The following TNFRSF21 variants were observed in gnomAD, a reference collection of about 807,000 sequenced individuals.
The protein encoded by TNFRSF21 is TNF receptor superfamily member 21.
Under a neutral mutation model 45.6 loss-of-function variants are expected in TNFRSF21, and 19 were observed. That is an observed-to-expected ratio of 0.42 (90% confidence interval 0.29 to 0.61). TNFRSF21 has a LOEUF of 0.61. Ranked by LOEUF, TNFRSF21 falls within the 20% of genes least tolerant of loss-of-function variation. The probability of loss-of-function intolerance (pLI) is 0.23; values close to 1 mark genes in which losing one functional copy is unlikely to be tolerated. For synonymous variants in TNFRSF21, 314 were observed against 335.5 expected, an observed-to-expected ratio of 0.94 and a Z score of 0.70; for missense variants, 737 against 851.5, an observed-to-expected ratio of 0.87 and a Z score of 1.67.
chr6:47,253,168 ATTTT>A (rs1764926754), intron 4 of TNFRSF21, 84 bp downstream of exon 4: 8 of 1,478,418 alleles, frequency 5.4e-6, no homozygotes, highest in Non-Finnish European at 7.3e-6. Context: ...CGAATATGTT[ATTTT>A]TCTTTGTTCC....
intron 1 of TNFRSF21, among the ~76,000 whole-genome samples, chr6:47,307,120 C>T (rs746876386): frequency 3.3e-5 from 5 of 152,114 alleles, no homozygotes; most frequent in Non-Finnish European, 5.9e-5. Context: ...ATAACATAGT[C>T]TCTACTGATT....
rs1449498434 is a variant in TNFRSF21, at chr6:47,232,648, CACACACACACAA to C, written c.*105_*116del. ...AAACACACACACACACACACACACA[CACACACACACAA>C]ACACACACACACACCCCAAACAACA... On this transcript the variant is annotated 3_prime_UTR_variant, in exon 6 of 6. Transcript: ENST00000296861. 47 of 818,752 alleles carry C rather than the reference CACACACACACAA, an allele frequency of 5.7e-5. No homozygotes were observed. Among genetic ancestry groups the C allele is most frequent in the South Asian group, 4.9e-4 (29 of 58,828 alleles). The allele number at this position is 818,752 out of a possible 1,614,324, so 50.7% of individuals were successfully genotyped here. A position where few individuals can be genotyped will look rare whatever the true frequency, so the allele number is the denominator to read the frequency against.
intron 4 of TNFRSF21, among the ~76,000 whole-genome samples, chr6:47,236,395 G>A (rs1457388861): frequency 6.6e-6 from 1 of 152,230 alleles, no homozygotes. Context: ...CACACTTCAA[G>A]TAAAATGTTT....
At chr6:47,239,587 A>G (rs558746923) in intron 4 of TNFRSF21, among the ~76,000 whole-genome samples, 1 of 152,324 alleles carries the variant, frequency 6.6e-6, no homozygotes, top group South Asian at 2.1e-4. Flanking sequence ...TCCAGCCTCA[A>G]CTGCCATCTG....
chr6:47,308,353 C>A (rs1395297799), intron 1 of TNFRSF21, among the ~76,000 whole-genome samples: 3 of 152,148 alleles, frequency 2.0e-5, no homozygotes, highest in African/African-American at 7.2e-5. Flanking sequence ...ACAGCCCTGT[C>A]GTGAAAACAA....
At chr6:47,267,861 T>C (rs1003921995) in intron 3 of TNFRSF21, among the ~76,000 whole-genome samples, 1 of 152,146 alleles carries the variant, frequency 6.6e-6, no homozygotes, top group South Asian at 2.1e-4. Flanking sequence ...AAGTAAAAAT[T>C]ATCAACCCCA....
At chr6:47,259,418 G>T (rs1280838944) in intron 3 of TNFRSF21, among the ~76,000 whole-genome samples, 1 of 151,344 alleles carries the variant, frequency 6.6e-6, no homozygotes, top group Non-Finnish European at 1.5e-5. Context: ...CACCCAGGCT[G>T]GACTGGAGTG....
Position 47,258,109 on chromosome 6 carries a change from C to T in TNFRSF21, c.1244-4588G>A, listed in dbSNP as rs563646269. ...AAGTAATCATGGGCTGGACGGGTGG[C>T]TTATGCCTGTAATTCTTTGGGAGGC... On this transcript the variant is annotated intron_variant, in intron 3 of 5. Coordinates refer to ENST00000296861, the MANE Select transcript of TNFRSF21 (RefSeq NM_014452.5). Among the ~76,000 whole-genome samples, 41 of 152,236 alleles carry T rather than the reference C, an allele frequency of 2.7e-4. 1 individual carries two copies. The South Asian group carries it at 6.8e-3, about 25-fold the overall frequency.
intron 3 of TNFRSF21, among the ~76,000 whole-genome samples, chr6:47,274,025 AG>A (rs1762462295): frequency 6.6e-6 from 1 of 152,250 alleles, no homozygotes; most frequent in Non-Finnish European, 1.5e-5. Context: ...GCTCATGGAT[AG>A]GAAGAATGAA....
chr6:47,258,149 C>T (rs935171002), intron 3 of TNFRSF21, among the ~76,000 whole-genome samples: 3 of 152,034 alleles, frequency 2.0e-5, no homozygotes, highest in Admixed American at 1.3e-4. Flanking sequence ...GTGAGTGGAT[C>T]CCTTGACCCA....
chr6:47,248,956 C>T (rs1438638147), intron 4 of TNFRSF21, among the ~76,000 whole-genome samples: 1 of 152,212 alleles, frequency 6.6e-6, no homozygotes, highest in African/African-American at 2.4e-5. Flanking sequence ...GACAGGCACG[C>T]ATGTTGTTCC....
At chr6:47,234,620 C>G in intron 5 of TNFRSF21, 50 bp downstream of exon 5, 1 of 1,447,318 alleles carries the variant, frequency 6.9e-7, no homozygotes, top group Non-Finnish European at 9.5e-7. Flanking sequence ...ATCCCAGGGG[C>G]TCTTTGGGGG....
intron 1 of TNFRSF21, among the ~76,000 whole-genome samples, chr6:47,288,672 A>G (rs1162596067): frequency 6.6e-6 from 1 of 152,144 alleles, no homozygotes; most frequent in Non-Finnish European, 1.5e-5. Flanking sequence ...GGACAAGGCA[A>G]CTGGGAACCA....
At chr6:47,262,033 T>A (rs1343321349) in intron 3 of TNFRSF21, among the ~76,000 whole-genome samples, 1 of 152,208 alleles carries the variant, frequency 6.6e-6, no homozygotes, top group East Asian at 1.9e-4. Context: ...TAGATTTTAC[T>A]TTAGCTGCAA....
At position 47,298,870 on chromosome 6, in the gene TNFRSF21, G is replaced by A. The variant is rs1022137642; in HGVS notation, c.96+10546C>T. Among the ~76,000 whole-genome samples, 6 of 152,136 alleles carry A rather than the reference G, an allele frequency of 3.9e-5. No individual in the cohort carries two copies. In the East Asian group the frequency reaches 9.6e-4, roughly 24 times the overall value. ...GCACAATCAATATTAACCTACTGAG[G>A]GCTCCAGCAGGCCCTGCAGGACAGC... On this transcript the variant is annotated intron_variant, in intron 1 of 5. Coordinates refer to ENST00000296861, the MANE Select transcript of TNFRSF21 (RefSeq NM_014452.5).
rs9349394 is a variant in TNFRSF21 at position 47,242,772 on chromosome 6, T to A, written c.1510-7874A>T. The stretch of plus-strand genomic sequence containing the variant: ...GAAGTGAGGACAGTGAATAAGTGGG[T>A]TCTCTTGGTTCAGAGCTGGAGCCCA... On this transcript the variant is annotated intron_variant, in intron 4 of 5. Coordinates refer to ENST00000296861, the MANE Select transcript of TNFRSF21 (RefSeq NM_014452.5). 1.6e-4 allele frequency among the ~76,000 whole-genome samples: 24 copies of A among 152,306 alleles called. No individual in the cohort carries two copies. The East Asian group carries it at 4.6e-3, about 29-fold the overall frequency.
At chr6:47,236,167 C>T (rs1582312003) in intron 4 of TNFRSF21, among the ~76,000 whole-genome samples, 1 of 152,226 alleles carries the variant, frequency 6.6e-6, no homozygotes, top group Non-Finnish European at 1.5e-5. Context: ...CTTGACATCT[C>T]TATTTGGCCC....
intron 1 of TNFRSF21, among the ~76,000 whole-genome samples, chr6:47,299,011 C>A (rs985885509): frequency 1.3e-5 from 2 of 152,104 alleles, no homozygotes; most frequent in Non-Finnish European, 2.9e-5. Flanking sequence ...GTAGTTCTTA[C>A]CACAAATATG....
chr6:47,281,964 G>A (rs922298593), intron 3 of TNFRSF21, among the ~76,000 whole-genome samples: 5 of 151,980 alleles, frequency 3.3e-5, no homozygotes, highest in Non-Finnish European at 7.4e-5. Flanking sequence ...GCCTCTGCCC[G>A]ACTTTCACTT....
Sources: allele counts gnomAD v4.1 joint callset (sites outside exome capture counted in the v4.1 genomes callset), GRCh38; gene constraint gnomAD v4.1.1; transcripts MANE v1.5; gene names NCBI Gene and HGNC (gene_info 2026-07-23, HGNC 2026-07-21).